NKTR: variants seen among roughly 807,000 people sequenced by gnomAD.
The protein encoded by NKTR is NK-tumor recognition protein.
NKTR carries 67 observed loss-of-function variants against 156.3 expected under a neutral mutation model. The ratio of observed to expected loss-of-function variants is 0.43; its 90% CI spans 0.35 to 0.53. The LOEUF (loss-of-function observed/expected upper bound fraction) is 0.53, where lower values mean the gene tolerates loss of function less well. Among genes scored for constraint, NKTR ranks in the 20% least tolerant of loss-of-function variants. The pLI, the probability that NKTR is intolerant of heterozygous loss-of-function variation, is 0.01. For synonymous variants in NKTR, 640 were observed against 596.6 expected (o/e 1.07, Z -1.06); for missense variants, 1,604 against 1,730.9 (o/e 0.93, Z 1.30).
chr3:42,618,905 C>G, intron 3 of NKTR, 115 bp from the exon 4 acceptor site: 1 of 813,098 alleles, frequency 1.2e-6, no homozygotes, highest in Non-Finnish European at 1.9e-6. Flanking sequence ...TCTTATATCT[C>G]TTCCAGTGCC....
intron 6 of NKTR, among the ~76,000 whole-genome samples, chr3:42,624,020 C>G (rs758830380): frequency 2.0e-5 from 3 of 152,014 alleles, no homozygotes; most frequent in Non-Finnish European, 4.4e-5. Context: ...CTCAAGGATT[C>G]TTATGTTTTG....
chr3:42,625,923 T>A (rs983195917), intron 6 of NKTR, among the ~76,000 whole-genome samples: 4 of 152,184 alleles, frequency 2.6e-5, no homozygotes, highest in Non-Finnish European at 1.5e-5. Flanking sequence ...ACATTAGTGC[T>A]GAATTTTAGA....
rs539521398 is a variant in NKTR at position 42,637,661 on chromosome 3, G to C, written c.1957G>C (p.Ala653Pro). Residue 653 changes from alanine (A) to proline (P), a missense_variant, in exon 13 of 17, where the codon GCA (alanine) becomes CCA (proline). Physicochemically the swap from Ala to Pro is conservative, Grantham distance 27. This residue lies in a region of NKTR where 1,255 missense variants were observed against 1,243.7 expected (regional missense o/e 1.01). Transcript: ENST00000232978. ...LLPIQSTYSL[A>P]NIKETGSSSS... is the part of the protein sequence containing the mutation. ...ACCCATCCAAAGCACTTACAGTTTA[G>C]CAAATATTAAAGAGACTGGTAGCTC... The C allele has an allele frequency of 1.2e-6, 2 of 1,612,950 alleles. No individual in the cohort carries two copies. Among genetic ancestry groups the C allele is most frequent in the Non-Finnish European group, 1.7e-6 (2 of 1,179,754 alleles).
In NKTR at chr3:42,613,181, C is replaced by G. The variant is rs375214289; in HGVS notation, c.59-4389C>G. On this transcript the variant is annotated intron_variant, in intron 2 of 16. Transcript: ENST00000232978. ...TGCCCTTAGTTCATACTAATGATAGCTCATATTGTGTAGCAGCTGCATTTC... is the reference window on the plus strand; with the variant it reads ...TGCCCTTAGTTCATACTAATGATAGGTCATATTGTGTAGCAGCTGCATTTC... 1.1e-4 allele frequency among the ~76,000 whole-genome samples: 16 copies of G among 152,212 alleles called. No individual in the cohort carries two copies. The East Asian group carries it at 3.1e-3, about 29-fold the overall frequency.
At position 42,638,766 on chromosome 3, in the gene NKTR, A is replaced by C; in HGVS notation, c.3062A>C (p.Glu1021Ala). Residue 1021 changes from glutamate to alanine, a missense_variant, in exon 13 of 17, where the codon GAA becomes GCA. Coordinates refer to ENST00000232978, the MANE Select transcript of NKTR (RefSeq NM_005385.4). ...GCATTTCACTGGCAGCCTCCACTAGAATTTGGTGAAGAGGAGGAGGAGGAG... is the reference window on the plus strand; with the variant it reads ...GCATTTCACTGGCAGCCTCCACTAGCATTTGGTGAAGAGGAGGAGGAGGAG... ...KQAFHWQPPL[E>A]FGEEEEEEID... The C allele has an allele frequency of 6.2e-7, 1 of 1,613,988 alleles. No homozygotes were observed. The highest frequency in any genetic ancestry group is 8.5e-7 in the Non-Finnish European group (1 of 1,180,028).
chr3:42,611,732 C>CAAAAA (rs67202574), intron 2 of NKTR, among the ~76,000 whole-genome samples: 1 of 108,620 alleles, frequency 9.2e-6, no homozygotes, highest in African/African-American at 3.3e-5. Flanking sequence ...GACTCTGTCT[C>CAAAAA]AAAAAAAAAA....
chr3:42,644,557 A>C (rs907496134), intron 16 of NKTR, among the ~76,000 whole-genome samples: 2 of 152,144 alleles, frequency 1.3e-5, no homozygotes, highest in Non-Finnish European at 2.9e-5. Flanking sequence ...GTCCATTGCA[A>C]CTGCAATGAT....
At chr3:42,618,101 A>G (rs993209076) in intron 3 of NKTR, among the ~76,000 whole-genome samples, 4 of 152,154 alleles carry the variant, frequency 2.6e-5, no homozygotes, top group Admixed American at 2.6e-4. Flanking sequence ...CTGTAATCCC[A>G]GCACTTTGGG....
chr3:42,600,934 G>GCCCCCGCCCTCGCCCCTGCCCTCC, intron 1 of NKTR, 50 bp from the exon 2 acceptor site: 1 of 1,140,830 alleles, frequency 8.8e-7, no homozygotes, highest in Non-Finnish European at 1.2e-6. Context: ...CCCTGCCCTC[G>GCCCCCGCCCTCGCCCCTGCCCTCC]CCCCCGCCCT....
intron 6 of NKTR, 50 bp downstream of exon 6, chr3:42,621,566 G>T: frequency 6.3e-7 from 1 of 1,575,002 alleles, no homozygotes; most frequent in Non-Finnish European, 8.6e-7. Context: ...GAGAAGCGCT[G>T]TTCATAAGAA....
At position 42,639,074 on chromosome 3, in the gene NKTR, C is replaced by G; in HGVS notation, c.3370C>G (p.Gln1124Glu). Reference sequence around the variant, plus strand: ...TCCCAATGGAGTGGAAGATGTGCTTCAAACAGATGACAACATGGAGATCTG... The same window carrying G: ...TCCCAATGGAGTGGAAGATGTGCTTGAAACAGATGACAACATGGAGATCTG... ...SVPNGVEDVLQTDDNMEICTP... is the reference protein window; with the variant it reads ...SVPNGVEDVLETDDNMEICTP... The change falls in exon 13 of 17, where the codon CAA becomes GAA. Residue 1124 changes from glutamine to glutamate, a missense_variant. By Grantham distance (29) the Gln-to-Glu change is conservative. This residue lies in a region of NKTR where 1,255 missense variants were observed against 1,243.7 expected (regional missense o/e 1.01). Coordinates refer to ENST00000232978, the MANE Select transcript of NKTR (RefSeq NM_005385.4). 1 of 1,613,992 alleles carries G rather than the reference C, an allele frequency of 6.2e-7. No homozygotes were observed. The highest frequency in any genetic ancestry group is 1.1e-5 in the South Asian group (1 of 91,068).
intron 12 of NKTR, among the ~76,000 whole-genome samples, chr3:42,636,146 T>C (rs1045651838): frequency 2.0e-5 from 3 of 152,172 alleles, no homozygotes; most frequent in African/African-American, 7.2e-5. Context: ...GTGAAAAATA[T>C]ACTAATGGGA....
intron 6 of NKTR, 63 bp downstream of exon 6, chr3:42,621,579 A>G (rs577860493): frequency 2.6e-6 from 4 of 1,548,756 alleles, no homozygotes; most frequent in South Asian, 2.5e-5. Flanking sequence ...CATAAGAAAG[A>G]TGGTATAGTT....
intron 6 of NKTR, chr3:42,627,844 G>GCA (rs1708535334): frequency 1.0e-6 from 1 of 985,084 alleles, no homozygotes; most frequent in Admixed American, 6.2e-5. Context: ...TGTCACCATT[G>GCA]CACAGCTCTT....
intron 6 of NKTR, chr3:42,628,088 G>C (rs1708562917): frequency 1.0e-6 from 1 of 985,300 alleles, no homozygotes; most frequent in Non-Finnish European, 1.2e-6. Context: ...CTCCTGGAAT[G>C]TAGGTTGAGA....
chr3:42,636,842 G>T, intron 12 of NKTR, 26 bp from the exon 13 acceptor site: 1 of 1,526,688 alleles, frequency 6.6e-7, no homozygotes, highest in Non-Finnish European at 8.8e-7. Flanking sequence ...ATAAATCACC[G>T]CATGAATATT....
Position 42,619,135 on chromosome 3 carries a change from T to C in NKTR, c.241+8T>C. 1 of 1,598,190 alleles carries C rather than the reference T, an allele frequency of 6.3e-7. No individual in the cohort carries two copies. Among genetic ancestry groups the C allele is most frequent in the East Asian group, 2.2e-5 (1 of 44,712 alleles). On this transcript the variant is annotated splice_region_variant and intron_variant, in intron 4 of 16. Transcript: ENST00000232978. ...GTGGGGACTTCAGTGAAGGTAGAGC[T>C]AAAAGTTGTGTTCCTAATAACTCCA...
chr3:42,632,710 A>G lies in NKTR; in HGVS notation c.660A>G (p.Arg220=), dbSNP rs199570334. Residue 220 remains arginine, a synonymous_variant, in exon 9 of 17, where the codon AGA becomes AGG. Transcript: ENST00000232978. ...SSSESELEHE[R]SRRRKHKRRP... is the part of the protein sequence containing the mutation. ...CAGAAAGTGAACTTGAACATGAGAG[A>G]AGCAGAAGGAGGAAACATAAGAGGA... 858 of 1,613,874 alleles carry G rather than the reference A, an allele frequency of 5.3e-4. 2 individuals are homozygous for G. Among genetic ancestry groups the G allele is most frequent in the Non-Finnish European group, 6.6e-4 (784 of 1,179,886 alleles).
chr3:42,639,701 TC>T lies in NKTR; in HGVS notation c.3999del (p.Tyr1334IlefsTer141). 6.2e-7 allele frequency: 1 copy of T among 1,612,902 alleles called. No homozygotes were observed. ...TKSRHRTRSV[S>X]YSHSRSRSRS... The stretch of plus-strand genomic sequence containing the variant: ...ATCAAGACACAGAACAAGGTCTGTC[TC>T]CTATAGTCACTCAAGAAGTCGATCG... On this transcript the variant is annotated frameshift_variant, in exon 13 of 17. Transcript: ENST00000232978. LOFTEE classifies it high-confidence loss of function.
Sources: allele counts gnomAD v4.1 joint callset (sites outside exome capture counted in the v4.1 genomes callset), GRCh38; gene constraint gnomAD v4.1.1; regional missense constraint gnomAD v4.1.1; transcripts MANE v1.5; gene names NCBI Gene and HGNC (gene_info 2026-07-23, HGNC 2026-07-21).